Variants in ADAMTS15 observed in about 807,000 individuals in gnomAD.
ADAMTS15 encodes the protein A disintegrin and metalloproteinase with thrombospondin motifs 15.
In ADAMTS15, 35 loss-of-function variants were observed where a neutral mutation model predicts 79.1. That is an observed-to-expected ratio of 0.44 (90% CI 0.34 to 0.59). The LOEUF (loss-of-function observed/expected upper bound fraction) is 0.59, where lower values mean the gene tolerates loss of function less well. Ranked by LOEUF, ADAMTS15 falls within the 20% of genes least tolerant of loss-of-function variation. The pLI is 0.02. For missense variants in ADAMTS15, 1,324 were observed against 1,318.7 expected (o/e 1.00, Z -0.06); for synonymous variants, 616 against 567.3 (o/e 1.09, Z -1.22).
chr11:130,470,138 A>ATACG (rs1555081007), intron 5 of ADAMTS15, among the ~76,000 whole-genome samples: 3 of 66,942 alleles, frequency 4.5e-5, no homozygotes, highest in African/African-American at 2.5e-4. Context: ...ATATACATAT[A>ATACG]TATATATATA....
At position 130,462,051 on chromosome 11, in the gene ADAMTS15, C is replaced by T. The variant is rs1157727745; in HGVS notation, c.1091-36C>T. On this transcript the variant is annotated intron_variant, in intron 2 of 7. Coordinates refer to ENST00000299164, the MANE Select transcript of ADAMTS15 (RefSeq NM_139055.4). This position sits in a 1 kb window ranked among gnomAD's most constrained non-coding sequence, Gnocchi z 4.3. ...CCTCCCTCCAACCCCCATGTCCTTCCTCCTGCCCTCTCAGTCCTCTTGCCT... is the reference window on the plus strand; with the variant it reads ...CCTCCCTCCAACCCCCATGTCCTTCTTCCTGCCCTCTCAGTCCTCTTGCCT... 7 of 1,590,894 alleles carry T rather than the reference C, an allele frequency of 4.4e-6. No homozygotes were observed. Among genetic ancestry groups the T allele is most frequent in the East Asian group, 2.2e-5 (1 of 44,508 alleles).
At chr11:130,460,421 C>A (rs1938175734) in intron 1 of ADAMTS15, among the ~76,000 whole-genome samples, 1 of 152,086 alleles carries the variant, frequency 6.6e-6, no homozygotes. Context: ...GTATTACAGG[C>A]ACCTGCCACC....
chr11:130,451,483 C>T (rs148197961), intron 1 of ADAMTS15, among the ~76,000 whole-genome samples: 2 of 152,358 alleles, frequency 1.3e-5, no homozygotes, highest in African/African-American at 4.8e-5. Flanking sequence ...ACTGCCCAGC[C>T]TCTGCAAGCA....
At chr11:130,470,140 A>ACG (rs1565397539) in intron 5 of ADAMTS15, among the ~76,000 whole-genome samples, 8 of 65,696 alleles carry the variant, frequency 1.2e-4, no homozygotes, top group African/African-American at 6.7e-4. Context: ...ATACATATAT[A>ACG]TATATATATA....
In ADAMTS15 at chr11:130,474,954, C is replaced by G. The variant is rs1251518010; in HGVS notation, c.*1133C>G. Reference sequence around the variant, plus strand: ...CTTCGTTCCAAACAGCTACTGCTGTCTGCCCTGGGCACGTCACGTTGCATC... The same window carrying G: ...CTTCGTTCCAAACAGCTACTGCTGTGTGCCCTGGGCACGTCACGTTGCATC... On this transcript the variant is annotated 3_prime_UTR_variant, in exon 8 of 8. Transcript: ENST00000299164. The G allele has an allele frequency of 1.3e-5, 2 of 152,318 alleles. No homozygotes were observed. The highest frequency in any genetic ancestry group is 2.9e-5 in the Non-Finnish European group (2 of 68,094). 9.4% of individuals were successfully genotyped at this position (152,318 alleles called of 1,614,324 possible).
intron 5 of ADAMTS15, among the ~76,000 whole-genome samples, chr11:130,470,124 A>ACATG (rs1938391532): frequency 1.1e-5 from 1 of 94,392 alleles, no homozygotes; most frequent in South Asian, 3.0e-4. Context: ...TGAATCATAT[A>ACATG]TATATATACA....
rs1177377636 is a variant in ADAMTS15, at chr11:130,476,617, C to A, written c.*2796C>A. ...CTGCTGAGGTGACCACAGCCTTCTC[C>A]TAATAAAGCTGTAAGTATTTAAAAC... On this transcript the variant is annotated 3_prime_UTR_variant, in exon 8 of 8. Transcript: ENST00000299164. 1 of 152,244 alleles carries A rather than the reference C, an allele frequency of 6.6e-6. No individual in the cohort carries two copies. The highest frequency in any genetic ancestry group is 1.5e-5 in the Non-Finnish European group (1 of 68,102). 9.4% of individuals were successfully genotyped at this position (152,244 alleles called of 1,614,324 possible).
chr11:130,463,528 C>T (rs1046222250), intron 4 of ADAMTS15, among the ~76,000 whole-genome samples: 6 of 152,154 alleles, frequency 3.9e-5, no homozygotes, highest in African/African-American at 1.4e-4. Flanking sequence ...GATCCTGGAG[C>T]TGACTGTCCC....
chr11:130,463,225 CAG>C (rs1157065084), intron 4 of ADAMTS15, among the ~76,000 whole-genome samples: 1 of 152,214 alleles, frequency 6.6e-6, no homozygotes, highest in Non-Finnish European at 1.5e-5. Context: ...GAACAGGGCT[CAG>C]AGCTGCAATG....
chr11:130,450,308 A>G, intron 1 of ADAMTS15: 1 of 985,358 alleles, frequency 1.0e-6, no homozygotes, highest in South Asian at 4.7e-5. Context: ...GGAACGGCCC[A>G]CCCCTATTGT....
chr11:130,468,617 T>G (rs1394096004), intron 4 of ADAMTS15, among the ~76,000 whole-genome samples: 1 of 151,228 alleles, frequency 6.6e-6, no homozygotes, highest in Non-Finnish European at 1.5e-5. Context: ...TACAAAAAAT[T>G]AGCCGGGCGT....
Position 130,449,909 on chromosome 11 carries a change from T to C in ADAMTS15, c.936T>C (p.Thr312=). The C allele has an allele frequency of 6.3e-7, 1 of 1,599,644 alleles. No individual in the cohort carries two copies. ...ACAAGCACCCCGAGTACTGGGACAC[T>C]GCCATCCTCTTCACCAGGCAGGTGA... ...VSDKHPEYWD[T]AILFTRQDLC... The change falls in exon 1 of 8, where the codon ACT becomes ACC. Residue 312 remains threonine, a synonymous_variant. Transcript: ENST00000299164. This position sits in a 1 kb window ranked among gnomAD's most constrained non-coding sequence, Gnocchi z 7.8.
intron 5 of ADAMTS15, 40 bp from the exon 6 acceptor site, chr11:130,470,880 C>T: frequency 6.3e-7 from 1 of 1,592,574 alleles, no homozygotes; most frequent in East Asian, 2.2e-5. Context: ...CGGCCTTGTC[C>T]CTTCCCCTCA....
At position 130,461,517 on chromosome 11, in the gene ADAMTS15, C is replaced by A. The variant is rs1373844238; in HGVS notation, c.986C>A (p.Thr329Asn). 1 of 1,614,194 alleles carries A rather than the reference C, an allele frequency of 6.2e-7. No individual in the cohort carries two copies. Reference sequence around the variant, plus strand: ...CTGTGTGGAGCCACCACCTGTGACACCCTGGGCATGGCTGATGTGGGTACC... The same window carrying A: ...CTGTGTGGAGCCACCACCTGTGACAACCTGGGCATGGCTGATGTGGGTACC... ...QDLCGATTCDTLGMADVGTMC... is the reference protein window; with the variant it reads ...QDLCGATTCDNLGMADVGTMC... Residue 329 changes from threonine to asparagine, a missense_variant, in exon 2 of 8, where the codon ACC becomes AAC. Coordinates refer to ENST00000299164, the MANE Select transcript of ADAMTS15 (RefSeq NM_139055.4).
rs1938303071 is a variant in ADAMTS15, at chr11:130,466,533, G to A, written c.1543-2729G>A. On this transcript the variant is annotated intron_variant, in intron 4 of 7. Coordinates refer to ENST00000299164, the MANE Select transcript of ADAMTS15 (RefSeq NM_139055.4). ...CACCCTGTATCTCCACGTCCCTGTG[G>A]ATACCATCTTCAAGGCAGATCCAGG... Among the ~76,000 whole-genome samples, 3 of 152,106 alleles carry A rather than the reference G, an allele frequency of 2.0e-5. No homozygotes were observed. In the South Asian group the frequency reaches 6.2e-4, roughly 32 times the overall value.
chr11:130,469,213 G>T, intron 4 of ADAMTS15, 49 bp from the exon 5 acceptor site: 1 of 1,358,994 alleles, frequency 7.4e-7, no homozygotes, highest in South Asian at 2.2e-5. Context: ...TGAGGGGCTG[G>T]GTGTGGCACC....
chr11:130,471,285 TG>T lies in ADAMTS15; in HGVS notation c.1983del (p.Asn662ThrfsTer24), dbSNP rs769060754. 1 of 1,613,238 alleles carries T rather than the reference TG, an allele frequency of 6.2e-7. No individual in the cohort carries two copies. Among genetic ancestry groups the T allele is most frequent in the Non-Finnish European group, 8.5e-7 (1 of 1,179,818 alleles). On this transcript the variant is annotated frameshift_variant, in exon 7 of 8. Coordinates refer to ENST00000299164, the MANE Select transcript of ADAMTS15 (RefSeq NM_139055.4). LOFTEE classifies it high-confidence loss of function. ...GCAAGTGCATCAAGGCTGGCTGTGA[TG>T]GGAACCTGGGCTCCAAGAAGAGATT... is the stretch of plus-strand genomic sequence containing the variant. ...QGKCIKAGCD[G>X]NLGSKKRFDK... is the part of the protein sequence containing the mutation.
rs1161470940 is a variant in ADAMTS15 at position 130,448,730 on chromosome 11, G to A, written c.-244G>A. On this transcript the variant is annotated 5_prime_UTR_variant, in exon 1 of 8. Transcript: ENST00000299164. Reference sequence around the variant, plus strand: ...CAAATCTTCGTCCTTGCACTTGACAGCGATTGTACTTAAGCTCCCAGGGCG... The same window carrying A: ...CAAATCTTCGTCCTTGCACTTGACAACGATTGTACTTAAGCTCCCAGGGCG... 6.6e-6 allele frequency among the ~76,000 whole-genome samples: 1 copy of A among 152,262 alleles called. No individual in the cohort carries two copies. The highest frequency in any genetic ancestry group is 1.9e-4 in the East Asian group (1 of 5,194).
At chr11:130,468,194 C>T (rs916286362) in intron 4 of ADAMTS15, among the ~76,000 whole-genome samples, 6 of 152,176 alleles carry the variant, frequency 3.9e-5, no homozygotes, top group South Asian at 2.1e-4. Flanking sequence ...GTGCCTGTTA[C>T]GCCACTTCTG....
Sources: gnomAD v4.1 joint callset for allele counts (sites outside exome capture counted in the v4.1 genomes callset) on GRCh38, gnomAD v4.1.1 for gene constraint, Gnocchi (gnomAD v3.1) non-coding constraint, MANE v1.5 for transcripts, NCBI Gene and HGNC (gene_info 2026-07-23, HGNC 2026-07-21) for gene names.